HDAC11: variants seen among roughly 807,000 people sequenced by gnomAD.
HDAC11 encodes the protein histone deacetylase 11.
HDAC11 carries 23 observed loss-of-function variants against 41.1 expected under a neutral mutation model. The observed-to-expected ratio is 0.56, with a 90% CI of 0.40 to 0.79. The LOEUF is 0.79. Ranked by LOEUF, HDAC11 falls within the 30% of genes least tolerant of loss-of-function variation. HDAC11 has a pLI of 0.00. For missense variants in HDAC11, 402 were observed against 477.3 expected (o/e 0.84, Z 1.47); for synonymous variants, 187 against 186.6 (o/e 1.00, Z -0.02).
intron 5 of HDAC11, among the ~76,000 whole-genome samples, chr3:13,499,082 A>G (rs1251198101): frequency 6.6e-6 from 1 of 152,140 alleles, no homozygotes; most frequent in Non-Finnish European, 1.5e-5. Flanking sequence ...GGCTCATGGG[A>G]GGGCTGCACG....
Position 13,480,826 on chromosome 3 carries a change from G to T in HDAC11, c.3-420G>T. ...GCTTACTGTGCTCAGCTCCTCAGTT[G>T]CATTCTCTGAGTCCTCACAACAGCC... is the stretch of plus-strand genomic sequence containing the variant. On this transcript the variant is annotated intron_variant, in intron 1 of 9. Coordinates refer to ENST00000295757, the MANE Select transcript of HDAC11 (RefSeq NM_024827.4). The surrounding 1 kb of genome is among the most constrained non-coding windows in gnomAD (Gnocchi z 4.6). The T allele has an allele frequency of 2.5e-6, 1 of 405,524 alleles. No homozygotes were observed. The highest frequency in any genetic ancestry group is 5.1e-6 in the Non-Finnish European group (1 of 194,452). The allele number at this position is 405,524 out of a possible 1,614,324, so 25.1% of individuals were successfully genotyped here. A position where few individuals can be genotyped will look rare whatever the true frequency, so the allele number is the denominator to read the frequency against.
chr3:13,496,864 G>A lies in HDAC11; in HGVS notation c.369+12G>A, dbSNP rs773903380. On this transcript the variant is annotated intron_variant, in intron 4 of 9. Coordinates refer to ENST00000295757, the MANE Select transcript of HDAC11 (RefSeq NM_024827.4). ...GAGGAACCATAATGGTAGGTGGGGT[G>A]GGGGGGCATGGCTGGGCTGGGGGCC... The A allele has an allele frequency of 5.8e-5, 82 of 1,411,728 alleles. 1 individual carries two copies. Among genetic ancestry groups the A allele is most frequent in the Non-Finnish European group, 7.7e-5 (80 of 1,035,142 alleles). The allele number at this position is 1,411,728 out of a possible 1,614,324, so 87.5% of individuals were successfully genotyped here.
chr3:13,489,730 C>A (rs1220440599), intron 3 of HDAC11, among the ~76,000 whole-genome samples: 1 of 152,092 alleles, frequency 6.6e-6, no homozygotes, highest in Non-Finnish European at 1.5e-5. Flanking sequence ...CCATGCCTGG[C>A]TAATTTTTGT....
chr3:13,490,430 G>A (rs1458277919), intron 3 of HDAC11, among the ~76,000 whole-genome samples: 4 of 152,104 alleles, frequency 2.6e-5, no homozygotes, highest in African/African-American at 7.2e-5. Flanking sequence ...ATTGCTTTGG[G>A]GAGTTTTGCC....
At chr3:13,494,938 G>A (rs759640988) in intron 3 of HDAC11, among the ~76,000 whole-genome samples, 2 of 152,038 alleles carry the variant, frequency 1.3e-5, no homozygotes, top group Non-Finnish European at 1.5e-5. Context: ...GCCCTCTGAG[G>A]TTCGTCACCC....
chr3:13,487,633 A>G (rs1427648887), intron 3 of HDAC11, among the ~76,000 whole-genome samples: 1 of 152,112 alleles, frequency 6.6e-6, no homozygotes, highest in Non-Finnish European at 1.5e-5. Flanking sequence ...ACAGTTTGCC[A>G]TGGAGTGTCG....
chr3:13,494,449 C>T (rs781057680), intron 3 of HDAC11, among the ~76,000 whole-genome samples: 3 of 152,234 alleles, frequency 2.0e-5, no homozygotes, highest in East Asian at 1.9e-4. Context: ...CACGCACACA[C>T]GCACACGGAC....
At chr3:13,494,492 T>C (rs1702003056) in intron 3 of HDAC11, among the ~76,000 whole-genome samples, 1 of 152,166 alleles carries the variant, frequency 6.6e-6, no homozygotes, top group African/African-American at 2.4e-5. Context: ...ACAAGACACA[T>C]ACACACACAT....
intron 3 of HDAC11, among the ~76,000 whole-genome samples, chr3:13,485,991 G>A (rs1225073561): frequency 1.3e-5 from 1 of 79,900 alleles, no homozygotes; most frequent in Non-Finnish European, 3.7e-5. Context: ...AAGTAGGCCG[G>A]GTGCAGTGAC....
chr3:13,498,642 T>G (rs1462364538), intron 5 of HDAC11, 87 bp downstream of exon 5: 10 of 1,321,250 alleles, frequency 7.6e-6, no homozygotes, highest in Non-Finnish European at 9.7e-6. Flanking sequence ...GGGAGGATCC[T>G]GGAGGTGGCA....
At position 13,501,880 on chromosome 3, in the gene HDAC11, G is replaced by A. The variant is rs1210845826; in HGVS notation, c.499G>A (p.Glu167Lys). 6.2e-7 allele frequency: 1 copy of A among 1,613,976 alleles called. No individual in the cohort carries two copies. Among genetic ancestry groups the A allele is most frequent in the Non-Finnish European group, 8.5e-7 (1 of 1,179,948 alleles). ...DITLAIKFLF[E>K]RVEGISRATI... ...CTCTCCTCCCTGGCAGTTTCTGTTT[G>A]AGCGTGTGGAGGGCATCTCCAGGGC... Residue 167 changes from glutamate (E) to lysine (K), a missense_variant, in exon 7 of 10, where the codon GAG becomes AAG. Coordinates refer to ENST00000295757, the MANE Select transcript of HDAC11 (RefSeq NM_024827.4).
chr3:13,488,470 T>C (rs985960294), intron 3 of HDAC11, among the ~76,000 whole-genome samples: 1 of 152,184 alleles, frequency 6.6e-6, no homozygotes, highest in African/African-American at 2.4e-5. Context: ...GCATTCTCTC[T>C]CTATGGATTT....
At chr3:13,489,010 A>C (rs934402311) in intron 3 of HDAC11, among the ~76,000 whole-genome samples, 1 of 152,160 alleles carries the variant, frequency 6.6e-6, no homozygotes, top group Admixed American at 6.5e-5. Flanking sequence ...ATGGCTAATT[A>C]ACACTGAGGA....
At chr3:13,487,595 G>C (rs1305489255) in intron 3 of HDAC11, among the ~76,000 whole-genome samples, 2 of 152,190 alleles carry the variant, frequency 1.3e-5, no homozygotes, top group African/African-American at 2.4e-5. Context: ...CCAGCACTGG[G>C]CTCTTGCCTT....
At chr3:13,486,227 A>G (rs557269526) in intron 3 of HDAC11, among the ~76,000 whole-genome samples, 75 of 138,404 alleles carry the variant, frequency 5.4e-4, no homozygotes, top group African/African-American at 2.0e-3. Context: ...AGATTGCGCC[A>G]TTGCACTCCA....
At chr3:13,490,303 T>C (rs996114687) in intron 3 of HDAC11, among the ~76,000 whole-genome samples, 3 of 152,190 alleles carry the variant, frequency 2.0e-5, no homozygotes, top group African/African-American at 4.8e-5. Flanking sequence ...ACTTTGTTCT[T>C]TTTTAAGATC....
chr3:13,504,844 C>T lies in HDAC11; in HGVS notation c.*161C>T. The T allele has an allele frequency of 2.9e-6, 2 of 678,568 alleles. No homozygotes were observed. The highest frequency in any genetic ancestry group is 5.0e-6 in the Non-Finnish European group (2 of 396,804). 42.0% of individuals were successfully genotyped at this position (678,568 alleles called of 1,614,324 possible). ...CTGGCCCTTCCTCTACTTTTCCCTG[C>T]TGGAAGCCAGAAGGGCTTGAGGCCT... On this transcript the variant is annotated 3_prime_UTR_variant, in exon 10 of 10. Coordinates refer to ENST00000295757, the MANE Select transcript of HDAC11 (RefSeq NM_024827.4).
At chr3:13,485,951 A>G (rs986105826) in intron 3 of HDAC11, among the ~76,000 whole-genome samples, 16 of 151,762 alleles carry the variant, frequency 1.1e-4, no homozygotes, top group African/African-American at 3.6e-4. Context: ...GAGAAACATG[A>G]TGGTTTCTAC....
Position 13,504,569 on chromosome 3 carries a change from C to T in HDAC11, c.930C>T (p.Arg310=). The T allele has an allele frequency of 6.2e-7, 1 of 1,613,736 alleles. No individual in the cohort carries two copies. Among genetic ancestry groups the T allele is most frequent in the African/African-American group, 1.3e-5 (1 of 75,070 alleles). ...GCGGGTACCAGAAGCGCACAGCCCG[C>T]ATCATTGCTGACTCCATACTTAATC... ...TSGGYQKRTA[R]IIADSILNLF... Residue 310 remains arginine, a synonymous_variant, in exon 10 of 10, where the codon CGC becomes CGT. Coordinates refer to ENST00000295757, the MANE Select transcript of HDAC11 (RefSeq NM_024827.4).
Sources: gnomAD v4.1 joint callset for allele counts (sites outside exome capture counted in the v4.1 genomes callset) on GRCh38, gnomAD v4.1.1 for gene constraint, Gnocchi (gnomAD v3.1) non-coding constraint, MANE v1.5 for transcripts, NCBI Gene and HGNC (gene_info 2026-07-23, HGNC 2026-07-21) for gene names.